The following CTNNA3 variants were observed in gnomAD, a reference collection of about 807,000 sequenced individuals.
CTNNA3 encodes catenin alpha-3.
A neutral mutation model predicts 95.7 loss-of-function variants in CTNNA3; 76 were observed. The ratio of observed to expected loss-of-function variants is 0.79; its 90% CI spans 0.66 to 0.96. The LOEUF (loss-of-function observed/expected upper bound fraction) is 0.96, where lower values mean the gene tolerates loss of function less well. Ranked by LOEUF, CTNNA3 falls within the 40% of genes least tolerant of loss-of-function variation. The pLI, the probability that CTNNA3 is intolerant of heterozygous loss-of-function variation, is 0.00. For synonymous variants in CTNNA3, 431 were observed against 374.4 expected, an observed-to-expected ratio of 1.15 and a Z score of -1.74; for missense variants, 1,191 against 1,089.8, an observed-to-expected ratio of 1.09 and a Z score of -1.31.
At chr10:67,004,778 C>T (rs1851878190) in intron 7 of CTNNA3, among the ~76,000 whole-genome samples, 2 of 152,116 alleles carry the variant, frequency 1.3e-5, no homozygotes, top group African/African-American at 4.8e-5. Flanking sequence ...TAAAATATTT[C>T]CTGGTTTGGG....
chr10:65,958,814 T>C (rs1034364983), intron 17 of CTNNA3, among the ~76,000 whole-genome samples: 2 of 152,116 alleles, frequency 1.3e-5, no homozygotes, highest in Admixed American at 1.3e-4. Flanking sequence ...CTGGGAGGTG[T>C]CTCCCAGTTA....
rs1394000555 is a variant in CTNNA3 at position 67,356,464 on chromosome 10, G to A, written c.580-136594C>T. Among the ~76,000 whole-genome samples the A allele has an allele frequency of 2.6e-5, 4 of 151,952 alleles. No individual in the cohort carries two copies. In the East Asian group the frequency reaches 7.7e-4, roughly 29 times the overall value. ...GATTTTGATTATGATTTTATCATTT[G>A]CATCTGTCATTTCCACATAACTGAA... On this transcript the variant is annotated intron_variant, in intron 5 of 17. Transcript: ENST00000433211.
At chr10:66,182,427 T>C (rs961492518) in intron 13 of CTNNA3, among the ~76,000 whole-genome samples, 2 of 152,086 alleles carry the variant, frequency 1.3e-5, no homozygotes. Context: ...AGCTATTTTT[T>C]AATATTTTTA....
intron 5 of CTNNA3, among the ~76,000 whole-genome samples, chr10:67,242,022 T>A (rs1253635294): frequency 1.3e-5 from 2 of 152,204 alleles, no homozygotes; most frequent in African/African-American, 4.8e-5. Flanking sequence ...CTCCCACATC[T>A]GCTCTTAAAG....
intron 3 of CTNNA3, among the ~76,000 whole-genome samples, chr10:67,583,287 G>A (rs1373326156): frequency 6.6e-6 from 1 of 152,260 alleles, no homozygotes; most frequent in African/African-American, 2.4e-5. Flanking sequence ...TTGCTTGTCT[G>A]TAAAATATTT....
chr10:66,355,924 T>C (rs1218094582), intron 12 of CTNNA3, among the ~76,000 whole-genome samples: 2 of 151,962 alleles, frequency 1.3e-5, no homozygotes, highest in Non-Finnish European at 2.9e-5. Context: ...CCAGCACCAC[T>C]TGATGAAAAG....
intron 7 of CTNNA3, among the ~76,000 whole-genome samples, chr10:66,916,193 C>T (rs1846486683): frequency 1.3e-5 from 2 of 152,208 alleles, no homozygotes. Context: ...AGAATGGCAA[C>T]ACAGTCTAGT....
At chr10:67,713,245 T>G (rs56295509) in intron 1 of CTNNA3, among the ~76,000 whole-genome samples, 1 of 152,334 alleles carries the variant, frequency 6.6e-6, no homozygotes, top group African/African-American at 2.4e-5. Flanking sequence ...TAACATCTCA[T>G]GCCAGTTAGA....
intron 15 of CTNNA3, among the ~76,000 whole-genome samples, chr10:66,042,912 A>G (rs2079730333): frequency 1.4e-5 from 2 of 141,922 alleles, no homozygotes; most frequent in Non-Finnish European, 3.1e-5. Flanking sequence ...AAAAAAAAAA[A>G]AAAAAAAAAA....
At chr10:67,388,362 AAAG>A (rs1311174653) in intron 5 of CTNNA3, among the ~76,000 whole-genome samples, 1 of 138,876 alleles carries the variant, frequency 7.2e-6, no homozygotes, top group Non-Finnish European at 1.5e-5. Flanking sequence ...TTTAGAGAAA[AAAG>A]AATAAAAAGA....
chr10:67,503,010 G>A (rs1169899136), intron 5 of CTNNA3, among the ~76,000 whole-genome samples: 1 of 152,168 alleles, frequency 6.6e-6, no homozygotes, highest in East Asian at 1.9e-4. Flanking sequence ...GTTGTCACTG[G>A]GGTATGAAAC....
chr10:67,608,462 A>G (rs1430254216), intron 2 of CTNNA3, among the ~76,000 whole-genome samples: 1 of 152,156 alleles, frequency 6.6e-6, no homozygotes, highest in African/African-American at 2.4e-5. Flanking sequence ...TCTGTAATTA[A>G]AACAATACAC....
chr10:67,311,832 C>G (rs954085375), intron 5 of CTNNA3, among the ~76,000 whole-genome samples: 1 of 151,994 alleles, frequency 6.6e-6, no homozygotes, highest in Admixed American at 6.6e-5. Flanking sequence ...AATACTGAAG[C>G]TTATGTTTTT....
chr10:67,509,712 T>C (rs1199288452), intron 5 of CTNNA3, among the ~76,000 whole-genome samples: 1 of 152,226 alleles, frequency 6.6e-6, no homozygotes, highest in Non-Finnish European at 1.5e-5. Flanking sequence ...TACCCAGTAA[T>C]GGGGTTGCTG....
At chr10:66,490,881 C>T (rs1839900348) in intron 11 of CTNNA3, among the ~76,000 whole-genome samples, 1 of 152,166 alleles carries the variant, frequency 6.6e-6, no homozygotes, top group South Asian at 2.1e-4. Context: ...CTCCAATGAA[C>T]AACGAATATA....
intron 11 of CTNNA3, among the ~76,000 whole-genome samples, chr10:66,472,091 A>G (rs1839157155): frequency 6.6e-6 from 1 of 152,024 alleles, no homozygotes; most frequent in Non-Finnish European, 1.5e-5. Context: ...TCTCTCAATC[A>G]CATGAGAAAA....
At chr10:67,642,364 G>T (rs1839565831) in intron 2 of CTNNA3, among the ~76,000 whole-genome samples, 1 of 151,924 alleles carries the variant, frequency 6.6e-6, no homozygotes, top group South Asian at 2.1e-4. Context: ...TAAAAAGTGG[G>T]CAAAAGACAT....
At chr10:67,726,469 T>C (rs1355149935) in intron 1 of CTNNA3, among the ~76,000 whole-genome samples, 1 of 66,830 alleles carries the variant, frequency 1.5e-5, no homozygotes, top group Non-Finnish European at 2.4e-5. Context: ...ATATATGATA[T>C]AATATTATAT....
At chr10:66,025,492 T>C (rs79504604) in intron 15 of CTNNA3, among the ~76,000 whole-genome samples, 4,615 of 152,282 alleles carry the variant, frequency 0.03, 223 homozygotes, top group African/African-American at 0.11. Context: ...GAATATTGCC[T>C]AGCCCTGAAT....
Sources: gnomAD v4.1 joint callset for allele counts (sites outside exome capture counted in the v4.1 genomes callset) on GRCh38, gnomAD v4.1.1 for gene constraint, MANE v1.5 for transcripts, NCBI Gene and HGNC (gene_info 2026-07-23, HGNC 2026-07-21) for gene names.